Variants in CTNND1 observed in about 807,000 individuals in gnomAD.
CTNND1 encodes the protein catenin delta 1.
Under a neutral mutation model 112.1 loss-of-function variants are expected in CTNND1, and 16 were observed. That is an observed-to-expected ratio of 0.14 (90% CI 0.10 to 0.22). The LOEUF is 0.22. CTNND1 is among the 10% of genes least tolerant of loss of function. The pLI is 1.00. For synonymous variants in CTNND1, 420 were observed against 446.5 expected, an observed-to-expected ratio of 0.94 and a Z score of 0.75; for missense variants, 1,008 against 1,257.0, an observed-to-expected ratio of 0.80 and a Z score of 3.00.
At chr11:57,808,657 C>A in intron 14 of CTNND1, 117 bp downstream of exon 14, 1 of 1,002,418 alleles carries the variant, frequency 1.0e-6, no homozygotes, top group Non-Finnish European at 1.4e-6. Flanking sequence ...CCCTCCCCCG[C>A]TTCATAGTTT....
At chr11:57,783,385 A>G (rs1239030582) in intron 1 of CTNND1, among the ~76,000 whole-genome samples, 1 of 151,200 alleles carries the variant, frequency 6.6e-6, no homozygotes, top group East Asian at 2.0e-4. Context: ...AGCCATAGAA[A>G]GGCCGGGCTC....
At position 57,815,505 on chromosome 11, in the gene CTNND1, A is replaced by G. The variant is rs1408885281; in HGVS notation, c.2808+5A>G. On this transcript the variant is annotated splice_donor_5th_base_variant and intron_variant, in intron 19 of 20. Coordinates refer to ENST00000399050, the MANE Select transcript of CTNND1 (RefSeq NM_001085458.2). ...AAGGGAACAACACCCTTGATGGTAA[A>G]TTCTCTTTATATACTGCTATCTGTC... The G allele has an allele frequency of 3.8e-6, 6 of 1,593,378 alleles. No individual in the cohort carries two copies. The highest frequency in any genetic ancestry group is 5.2e-6 in the Non-Finnish European group (6 of 1,162,238).
chr11:57,816,151 C>T (rs752375071), intron 20 of CTNND1, 146 bp from the exon 21 acceptor site: 66 of 1,176,818 alleles, frequency 5.6e-5, no homozygotes, highest in Non-Finnish European at 8.1e-5. Context: ...TGATTATTAC[C>T]TCTTACGAGT....
chr11:57,784,082 T>C (rs10896643), intron 1 of CTNND1, among the ~76,000 whole-genome samples: 142,678 of 151,642 alleles, frequency 0.94, 67,739 homozygotes, highest in East Asian at 1. Context: ...CCATGCCCAG[T>C]TAATTTTTGT....
chr11:57,768,484 C>A (rs1470374163), intron 1 of CTNND1, among the ~76,000 whole-genome samples: 2 of 150,078 alleles, frequency 1.3e-5, no homozygotes, highest in African/African-American at 4.9e-5. Flanking sequence ...AGCTCTGCCT[C>A]CCGGGTTCAC....
At chr11:57,794,158 TCTTGTAAGGTGC>T in intron 4 of CTNND1, 77 bp downstream of exon 4, 1 of 1,289,326 alleles carries the variant, frequency 7.8e-7, no homozygotes, top group Non-Finnish European at 1.1e-6. Context: ...CATATTTGTG[TCTTGTAAGGTGC>T]CTGGCACATT....
Position 57,761,896 on chromosome 11 carries a change from G to C in CTNND1, c.-437G>C. The stretch of plus-strand genomic sequence containing the variant: ...CTGAGGGGGAAAAAAAAGAGAGAGG[G>C]AGAGAGAGAGAAAGAAGAGCAGGAA... On this transcript the variant is annotated 5_prime_UTR_variant, in exon 1 of 21. Transcript: ENST00000399050. 1 of 985,122 alleles carries C rather than the reference G, an allele frequency of 1.0e-6. No homozygotes were observed. Among genetic ancestry groups the C allele is most frequent in the Non-Finnish European group, 1.2e-6 (1 of 829,788 alleles). 61.0% of individuals were successfully genotyped at this position (985,122 alleles called of 1,614,324 possible). A position where few individuals can be genotyped will look rare whatever the true frequency, so the allele number is the denominator to read the frequency against.
intron 3 of CTNND1, 103 bp downstream of exon 3, chr11:57,791,776 C>T: frequency 1.6e-6 from 2 of 1,244,146 alleles, no homozygotes; most frequent in Non-Finnish European, 2.1e-6. Context: ...GATGGGCTGT[C>T]CAGTGCCCGT....
chr11:57,771,430 A>C (rs1952593727), intron 1 of CTNND1, among the ~76,000 whole-genome samples: 1 of 152,188 alleles, frequency 6.6e-6, no homozygotes, highest in African/African-American at 2.4e-5. Context: ...TTTTATATAG[A>C]GTGGTCAGGG....
chr11:57,764,182 C>A, intron 1 of CTNND1: 1 of 151,736 alleles, frequency 6.6e-6, no homozygotes, highest in Non-Finnish European at 1.5e-5. Context: ...CTCCTATGTA[C>A]GGTTGGTTTC....
chr11:57,810,269 T>C, intron 16 of CTNND1, 46 bp downstream of exon 16: 1 of 1,383,986 alleles, frequency 7.2e-7, no homozygotes, highest in Non-Finnish European at 1.0e-6. Context: ...TTTTTCTTGG[T>C]CCCAGGATAA....
At position 57,818,844 on chromosome 11, in the gene CTNND1, A is replaced by C. The variant is rs2064107485; in HGVS notation, c.*2536A>C. 2.0e-5 allele frequency: 3 copies of C among 152,228 alleles called. No individual in the cohort carries two copies. The South Asian group carries it at 6.2e-4, about 32-fold the overall frequency. The allele number at this position is 152,228 out of a possible 1,614,324, so 9.4% of individuals were successfully genotyped here. A position where few individuals can be genotyped will look rare whatever the true frequency, so the allele number is the denominator to read the frequency against. ...ATATAACACTTAGGACTAGAAGATT[A>C]GAAACTACCAATCCCAACTACGTAA... On this transcript the variant is annotated 3_prime_UTR_variant, in exon 21 of 21. Coordinates refer to ENST00000399050, the MANE Select transcript of CTNND1 (RefSeq NM_001085458.2).
At chr11:57,798,120 G>C (rs2061568492) in intron 6 of CTNND1, among the ~76,000 whole-genome samples, 1 of 152,012 alleles carries the variant, frequency 6.6e-6, no homozygotes, top group African/African-American at 2.4e-5. Flanking sequence ...AGGCCGAGTT[G>C]GGCGGATCAC....
intron 1 of CTNND1, among the ~76,000 whole-genome samples, chr11:57,767,736 T>C (rs78321747): frequency 1.3e-5 from 2 of 152,186 alleles, no homozygotes; most frequent in African/African-American, 4.8e-5. Context: ...GTGAACTTTA[T>C]AGAGTAATGC....
chr11:57,795,578 A>T lies in CTNND1; in HGVS notation c.269A>T (p.Asp90Val). The change falls in exon 5 of 21, where the codon GAT (aspartate) becomes GTT (valine). Residue 90 changes from aspartate to valine, a missense_variant and splice_region_variant. Asp to Val is a radical substitution (Grantham distance 152, BLOSUM62 -3). Around this residue, in one of 5 missense-constraint regions of CTNND1, gnomAD observed 404 missense variants for 457.9 expected, o/e 0.88. Transcript: ENST00000399050. ...TTCTCTTTTCTCTTTTGCATATAGG[A>T]TCACAGTCACCTTCTATATAGCACC... is the stretch of plus-strand genomic sequence containing the variant. ...FSDLKLNGPQ[D>V]HSHLLYSTIP... 6.2e-7 allele frequency: 1 copy of T among 1,609,722 alleles called. No homozygotes were observed. Among genetic ancestry groups the T allele is most frequent in the Non-Finnish European group, 8.5e-7 (1 of 1,178,410 alleles).
chr11:57,803,477 C>G, intron 7 of CTNND1, 144 bp from the exon 8 acceptor site: 1 of 529,382 alleles, frequency 1.9e-6, no homozygotes. Context: ...TGGTGAGGGT[C>G]GCAAACAAAG....
At position 57,788,890 on chromosome 11, in the gene CTNND1, G is replaced by C; in HGVS notation, c.-213-147G>C. 1.5e-6 allele frequency: 1 copy of C among 669,224 alleles called. No homozygotes were observed. The allele number at this position is 669,224 out of a possible 1,614,324, so 41.5% of individuals were successfully genotyped here. On this transcript the variant is annotated intron_variant, in intron 1 of 20. Transcript: ENST00000399050. The surrounding 1 kb of genome is among the most constrained non-coding windows in gnomAD (Gnocchi z 4.1). ...GTATCTGAACACAACAAGGTCTAAA[G>C]GGCACTTGTCACATTAAGCAATTCC...
chr11:57,800,536 G>C lies in CTNND1; in HGVS notation c.957-1197G>C, dbSNP rs1053772823. ...GCCCACTGCAGCCTCCCAAAGTGCT[G>C]GGATTACAGATGTGAGCCACCATGC... On this transcript the variant is annotated intron_variant, in intron 6 of 20. Transcript: ENST00000399050. Among the ~76,000 whole-genome samples, 7 of 152,152 alleles carry C rather than the reference G, an allele frequency of 4.6e-5. No individual in the cohort carries two copies. The East Asian group carries it at 1.3e-3, about 29-fold the overall frequency.
intron 6 of CTNND1, among the ~76,000 whole-genome samples, chr11:57,800,770 C>T (rs2061935216): frequency 6.6e-6 from 1 of 152,206 alleles, no homozygotes; most frequent in East Asian, 1.9e-4. Flanking sequence ...AGATTATCCT[C>T]TCCTGTGGGA....
Sources: gnomAD v4.1 joint callset for allele counts (sites outside exome capture counted in the v4.1 genomes callset) on GRCh38, gnomAD v4.1.1 for gene constraint, gnomAD v4.1.1 regional missense constraint, Gnocchi (gnomAD v3.1) non-coding constraint, MANE v1.5 for transcripts, NCBI Gene and HGNC (gene_info 2026-07-23, HGNC 2026-07-21) for gene names.